Variants in PPM1D observed in about 807,000 individuals in gnomAD.
The protein encoded by PPM1D is protein phosphatase, Mg2+/Mn2+ dependent 1D.
A neutral mutation model predicts 58.3 loss-of-function variants in PPM1D; 52 were observed. The observed-to-expected ratio is 0.89, with a 90% confidence interval of 0.71 to 1.12. The LOEUF is 1.12. PPM1D is among the 50% of genes most tolerant of loss of function. The pLI is 0.00. For synonymous variants in PPM1D, 278 were observed against 285.1 expected, an observed-to-expected ratio of 0.98 and a Z score of 0.25; for missense variants, 564 against 777.2, an observed-to-expected ratio of 0.73 and a Z score of 3.26.
At chr17:60,647,832 T>C in intron 3 of PPM1D, 60 bp from the exon 4 acceptor site, 2 of 1,467,074 alleles carry the variant, frequency 1.4e-6, no homozygotes, top group Non-Finnish European at 1.9e-6. Flanking sequence ...TTTAATCTGT[T>C]GCTGTTGTAC....
chr17:60,611,409 T>C (rs964140283), intron 1 of PPM1D, among the ~76,000 whole-genome samples: 2 of 152,012 alleles, frequency 1.3e-5, no homozygotes, highest in African/African-American at 4.8e-5. Flanking sequence ...ATTCTTTATG[T>C]ATTTTGTGGG....
intron 1 of PPM1D, among the ~76,000 whole-genome samples, chr17:60,607,692 A>C (rs1403475722): frequency 6.6e-6 from 1 of 152,238 alleles, no homozygotes; most frequent in African/African-American, 2.4e-5. Flanking sequence ...TTTAAAGAAG[A>C]TGGTGAATGA....
chr17:60,623,155 G>C (rs947877309), intron 1 of PPM1D, among the ~76,000 whole-genome samples: 1 of 152,048 alleles, frequency 6.6e-6, no homozygotes, highest in Non-Finnish European at 1.5e-5. Flanking sequence ...TAAGTGGCTG[G>C]CTAAATGATA....
chr17:60,614,456 C>T (rs1598400894), intron 1 of PPM1D, among the ~76,000 whole-genome samples: 3 of 152,264 alleles, frequency 2.0e-5, no homozygotes, highest in Non-Finnish European at 1.5e-5. Context: ...CCTGTCAAAA[C>T]GGACCAATCA....
At chr17:60,657,779 G>A (rs1221401213) in intron 5 of PPM1D, among the ~76,000 whole-genome samples, 1 of 151,762 alleles carries the variant, frequency 6.6e-6, no homozygotes, top group Admixed American at 6.6e-5. Context: ...CACTCTTGTT[G>A]CCCAGGCTAG....
rs977062665 is a variant in PPM1D at position 60,665,873 on chromosome 17, T to C, written c.*2321T>C. On this transcript the variant is annotated 3_prime_UTR_variant, in exon 6 of 6. Coordinates refer to ENST00000305921, the MANE Select transcript of PPM1D (RefSeq NM_003620.4). ...CCCCTCCAGAGGGCCTCTCACAACA[T>C]GGCAGTTATTTGTCCCCAGAGCAAG... is the stretch of plus-strand genomic sequence containing the variant. 1 of 152,210 alleles carries C rather than the reference T, an allele frequency of 6.6e-6. No individual in the cohort carries two copies. The highest frequency in any genetic ancestry group is 2.4e-5 in the African/African-American group (1 of 41,460). The allele number at this position is 152,210 out of a possible 1,614,324, so 9.4% of individuals were successfully genotyped here.
intron 3 of PPM1D, among the ~76,000 whole-genome samples, chr17:60,638,263 CAT>C (rs1159251921): frequency 6.6e-6 from 1 of 152,066 alleles, no homozygotes; most frequent in Non-Finnish European, 1.5e-5. Flanking sequence ...TCTCTTGTCA[CAT>C]AAATATTTTC....
Position 60,656,586 on chromosome 17 carries a change from C to G in PPM1D, c.1018-13C>G, listed in dbSNP as rs2031443173. On this transcript the variant is annotated splice_polypyrimidine_tract_variant and intron_variant, in intron 4 of 5. Transcript: ENST00000305921. ...CTGAGTTACTTTCCTTCTCCTTGTT[C>G]TTTTGAATACAGGGTGAGCATGGAC... The G allele has an allele frequency of 2.5e-6, 4 of 1,610,728 alleles. No homozygotes were observed. The highest frequency in any genetic ancestry group is 1.3e-5 in the African/African-American group (1 of 74,826).
At position 60,600,284 on chromosome 17, in the gene PPM1D, C is replaced by A; in HGVS notation, c.-131C>A. On this transcript the variant is annotated 5_prime_UTR_variant, in exon 1 of 6. Transcript: ENST00000305921. ...CCAGACATCGCGCGCCCCCCCTTCT[C>A]CGGGTCCGCCCCCTCCCCCTTCTCG... The A allele has an allele frequency of 7.0e-7, 1 of 1,437,912 alleles. No individual in the cohort carries two copies. The highest frequency in any genetic ancestry group is 9.1e-7 in the Non-Finnish European group (1 of 1,100,798). 89.1% of individuals were successfully genotyped at this position (1,437,912 alleles called of 1,614,324 possible).
chr17:60,640,768 A>G (rs919902314), intron 3 of PPM1D, among the ~76,000 whole-genome samples: 1 of 151,944 alleles, frequency 6.6e-6, no homozygotes, highest in Non-Finnish European at 1.5e-5. Flanking sequence ...TTTAGCTCCC[A>G]TTTGCAAGTG....
At chr17:60,660,242 A>G (rs2031503508) in intron 5 of PPM1D, among the ~76,000 whole-genome samples, 1 of 152,082 alleles carries the variant, frequency 6.6e-6, no homozygotes. Context: ...AGGCTGAGGC[A>G]GGAGAATCGC....
At chr17:60,617,882 A>G (rs1379753972) in intron 1 of PPM1D, among the ~76,000 whole-genome samples, 1 of 152,220 alleles carries the variant, frequency 6.6e-6, no homozygotes, top group Admixed American at 6.5e-5. Flanking sequence ...TCTGCACTGC[A>G]GATATCTGTA....
chr17:60,656,480 A>T (rs1453155038), intron 4 of PPM1D, 119 bp from the exon 5 acceptor site: 1 of 1,384,718 alleles, frequency 7.2e-7, no homozygotes, highest in South Asian at 1.5e-5. Flanking sequence ...AAAGAAAAAA[A>T]AAAATTGGGA....
rs1320277300 is a variant in PPM1D at position 60,645,598 on chromosome 17, GTA to G, written c.827-2286_827-2285del. Among the ~76,000 whole-genome samples, 351 of 131,026 alleles carry G rather than the reference GTA, an allele frequency of 2.7e-3. 2 individuals carry two copies. The highest frequency in any genetic ancestry group is 0.01 in the African/African-American group (326 of 32,576). 86.0% of individuals were successfully genotyped at this position (131,026 alleles called of 152,430 possible). A position where few individuals can be genotyped will look rare whatever the true frequency, so the allele number is the denominator to read the frequency against. On this transcript the variant is annotated intron_variant, in intron 3 of 5. Transcript: ENST00000305921. ...TATATATATATGTGTGTATATATAT[GTA>G]TATATATGTGTGTATATATATATGT...
intron 1 of PPM1D, among the ~76,000 whole-genome samples, chr17:60,602,438 T>A (rs922498090): frequency 6.6e-6 from 1 of 151,824 alleles, no homozygotes. Flanking sequence ...TTTTTTTTTT[T>A]AAGAGACGGG....
intron 3 of PPM1D, among the ~76,000 whole-genome samples, chr17:60,640,139 C>T (rs139800147): frequency 4.6e-5 from 7 of 152,208 alleles, no homozygotes; most frequent in East Asian, 3.9e-4. Context: ...GACAACATGG[C>T]GAAATCTCCC....
chr17:60,620,368 T>G (rs1306847129), intron 1 of PPM1D, among the ~76,000 whole-genome samples: 2 of 152,196 alleles, frequency 1.3e-5, no homozygotes, highest in Admixed American at 1.3e-4. Context: ...CCTTATATAT[T>G]TTGGATATTA....
intron 4 of PPM1D, among the ~76,000 whole-genome samples, chr17:60,650,275 G>C (rs2031318682): frequency 6.6e-6 from 1 of 152,214 alleles, no homozygotes. Context: ...TGTAGGCCGG[G>C]CGCAGTGGCT....
intron 3 of PPM1D, among the ~76,000 whole-genome samples, chr17:60,639,863 A>G (rs1270170981): frequency 7.2e-5 from 11 of 152,264 alleles, no homozygotes; most frequent in Admixed American, 2.6e-4. Flanking sequence ...GGAGGAAGAA[A>G]GTGTGTTTTA....
Sources: gnomAD v4.1 joint callset for allele counts (sites outside exome capture counted in the v4.1 genomes callset) on GRCh38, gnomAD v4.1.1 for gene constraint, MANE v1.5 for transcripts, NCBI Gene and HGNC (gene_info 2026-07-23, HGNC 2026-07-21) for gene names.